CHERP: variants seen among roughly 807,000 people sequenced by gnomAD.
The protein encoded by CHERP is ERPROT 213-21.
A neutral mutation model predicts 113.8 loss-of-function variants in CHERP; 8 were observed. The ratio of observed to expected loss-of-function variants is 0.07; its 90% CI spans 0.04 to 0.13. CHERP has a LOEUF of 0.13. Among genes scored for constraint, CHERP ranks in the 10% least tolerant of loss-of-function variants. The pLI, the probability that CHERP is intolerant of heterozygous loss-of-function variation, is 1.00. For synonymous variants in CHERP, 559 were observed against 524.5 expected, an observed-to-expected ratio of 1.07 and a Z score of -0.90; for missense variants, 884 against 1,298.2, an observed-to-expected ratio of 0.68 and a Z score of 4.90.
chr19:16,524,555 C>CAA (rs112007487), intron 10 of CHERP, among the ~76,000 whole-genome samples: 13,329 of 133,584 alleles, frequency 0.1, 2,089 homozygotes, highest in African/African-American at 0.33. Flanking sequence ...GACTCTGTCT[C>CAA]AAAAAAAAAA....
intron 1 of CHERP, 44 bp from the exon 2 acceptor site, chr19:16,542,087 G>A (rs749273413): frequency 1.9e-6 from 3 of 1,566,664 alleles, no homozygotes; most frequent in Non-Finnish European, 2.6e-6. Context: ...AGCGAGGACC[G>A]CCCAAAGCCG....
In CHERP at chr19:16,535,613, C is replaced by T. The variant is rs1244743709; in HGVS notation, c.223G>A (p.Glu75Lys). ...QQLICKQQTP[E>K]LEPAATMPPL... ...GGCATGGTGGCGGCTGGCTCCAGCT[C>T]CGGGGTCTGCTGCTTGCAGATGACT... The change falls in exon 3 of 17, where the codon GAG becomes AAG. Residue 75 changes from glutamate to lysine, a missense_variant. This residue lies in a region of CHERP where 109 missense variants were observed against 134.2 expected (regional missense o/e 0.81). Coordinates refer to ENST00000546361, the MANE Select transcript of CHERP (RefSeq NM_006387.6). This position sits in a 1 kb window ranked among gnomAD's most constrained non-coding sequence, Gnocchi z 4.3. 2.6e-6 allele frequency: 4 copies of T among 1,533,206 alleles called. No homozygotes were observed. The highest frequency in any genetic ancestry group is 1.2e-5 in the South Asian group (1 of 81,780). The allele number at this position is 1,533,206 out of a possible 1,614,324, so 95.0% of individuals were successfully genotyped here. A position where few individuals can be genotyped will look rare whatever the true frequency, so the allele number is the denominator to read the frequency against.
chr19:16,528,025 AC>A, intron 9 of CHERP, 54 bp downstream of exon 9: 1 of 1,559,644 alleles, frequency 6.4e-7, no homozygotes, highest in Non-Finnish European at 8.8e-7. Flanking sequence ...AGGGGAGGCT[AC>A]CCCATCAGGC....
chr19:16,534,548 C>T (rs2085728622), intron 3 of CHERP, among the ~76,000 whole-genome samples: 1 of 152,132 alleles, frequency 6.6e-6, no homozygotes, highest in South Asian at 2.1e-4. Context: ...GCAATCTCAG[C>T]TCATGCAACC....
At chr19:16,539,527 T>G (rs1163800235) in intron 2 of CHERP, among the ~76,000 whole-genome samples, 9 of 152,044 alleles carry the variant, frequency 5.9e-5, no homozygotes, top group Non-Finnish European at 8.8e-5. Flanking sequence ...ATATTTTGCT[T>G]ACGATTTCAG....
At position 16,529,653 on chromosome 19, in the gene CHERP, T is replaced by C; in HGVS notation, c.1124A>G (p.Gln375Arg). ...GAGCTGAGGGAGCCCCGTACCAGGC[T>C]GGGTGGTGGGCGGGATGGCAGGGGC... The part of the protein sequence containing the change: ...APAPAIPPTT[Q>R]PDDSKPPIQM... The change falls in exon 8 of 17, where the codon CAG becomes CGG. Residue 375 changes from glutamine (Q) to arginine (R), a missense_variant. By Grantham distance (43) the Gln-to-Arg change is conservative. Around this residue, in one of 8 missense-constraint regions of CHERP, gnomAD observed 464 missense variants for 590.1 expected, o/e 0.79. Coordinates refer to ENST00000546361, the MANE Select transcript of CHERP (RefSeq NM_006387.6). 1.3e-6 allele frequency: 2 copies of C among 1,542,940 alleles called. No homozygotes were observed.
chr19:16,529,670 G>T lies in CHERP; in HGVS notation c.1107C>A (p.Ala369=). Residue 369 remains alanine, a synonymous_variant, in exon 8 of 17, where the codon GCC becomes GCA. Coordinates refer to ENST00000546361, the MANE Select transcript of CHERP (RefSeq NM_006387.6). ...APPPAPAPAP[A]IPPTTQPDDS... The stretch of plus-strand genomic sequence containing the variant: ...TACCAGGCTGGGTGGTGGGCGGGAT[G>T]GCAGGGGCAGGTGCTGGGGCCGGGG... The T allele has an allele frequency of 6.4e-7, 1 of 1,552,580 alleles. No homozygotes were observed. Among genetic ancestry groups the T allele is most frequent in the Admixed American group, 1.9e-5 (1 of 51,752 alleles).
At position 16,532,934 on chromosome 19, in the gene CHERP, C is replaced by T. The variant is rs2085716606; in HGVS notation, c.522+77G>A. 6.5e-7 allele frequency: 1 copy of T among 1,538,540 alleles called. No individual in the cohort carries two copies. The highest frequency in any genetic ancestry group is 2.0e-5 in the Admixed American group (1 of 50,332). On this transcript the variant is annotated intron_variant, in intron 4 of 16. Transcript: ENST00000546361. The surrounding 1 kb of genome is among the most constrained non-coding windows in gnomAD (Gnocchi z 4.4). Reference sequence around the variant, plus strand: ...GGCACCCATTGTAACAGCCCTTAGCCCAGATTGGCTACGACAGGCCCTGCC... The same window carrying T: ...GGCACCCATTGTAACAGCCCTTAGCTCAGATTGGCTACGACAGGCCCTGCC...
At chr19:16,524,526 A>G (rs2085643028) in intron 10 of CHERP, among the ~76,000 whole-genome samples, 1 of 151,112 alleles carries the variant, frequency 6.6e-6, no homozygotes, top group South Asian at 2.1e-4. Flanking sequence ...ATTGCACTCC[A>G]GCCTGGGCAA....
intron 2 of CHERP, among the ~76,000 whole-genome samples, chr19:16,537,490 C>G (rs1483973677): frequency 6.6e-6 from 1 of 151,936 alleles, no homozygotes; most frequent in Non-Finnish European, 1.5e-5. Context: ...ACCAACTGCA[C>G]GGCCCACTGT....
chr19:16,519,462 G>C lies in CHERP; in HGVS notation c.2558-110C>G. 3 of 1,313,990 alleles carry C rather than the reference G, an allele frequency of 2.3e-6. No individual in the cohort carries two copies. Among genetic ancestry groups the C allele is most frequent in the South Asian group, 1.3e-5 (1 of 76,024 alleles). 81.4% of individuals were successfully genotyped at this position (1,313,990 alleles called of 1,614,324 possible). A position where few individuals can be genotyped will look rare whatever the true frequency, so the allele number is the denominator to read the frequency against. On this transcript the variant is annotated intron_variant, in intron 16 of 16. Coordinates refer to ENST00000546361, the MANE Select transcript of CHERP (RefSeq NM_006387.6). This position sits in a 1 kb window ranked among gnomAD's most constrained non-coding sequence, Gnocchi z 6.0. ...TGTAGACATGGGAAATGGGTAGAGA[G>C]AACCCGCAGGCCGGCCCTGTCTAGA...
chr19:16,528,572 A>C (rs2085672690), intron 8 of CHERP, among the ~76,000 whole-genome samples: 1 of 152,240 alleles, frequency 6.6e-6, no homozygotes, highest in African/African-American at 2.4e-5. Context: ...TCTAATTAAA[A>C]GGTCATTTCC....
At chr19:16,522,863 G>A (rs574482408) in intron 11 of CHERP, among the ~76,000 whole-genome samples, 189 bp downstream of exon 11, 1 of 152,238 alleles carries the variant, frequency 6.6e-6, no homozygotes, top group East Asian at 1.9e-4. Flanking sequence ...GGGCAGACAT[G>A]GTGTCGCTCA....
At chr19:16,540,357 G>T (rs1424054895) in intron 2 of CHERP, among the ~76,000 whole-genome samples, 1 of 145,436 alleles carries the variant, frequency 6.9e-6, no homozygotes, top group South Asian at 2.2e-4. Context: ...ACAAGCCACT[G>T]GGCCTGGCCT....
intron 2 of CHERP, among the ~76,000 whole-genome samples, chr19:16,536,300 C>T (rs2085741489): frequency 6.6e-6 from 1 of 152,174 alleles, no homozygotes; most frequent in Admixed American, 6.5e-5. Flanking sequence ...AGGGTGGGCG[C>T]AGGTCCCAAC....
At chr19:16,521,427 C>A in intron 12 of CHERP, 94 bp downstream of exon 12, 2 of 1,264,088 alleles carry the variant, frequency 1.6e-6, no homozygotes, top group Non-Finnish European at 2.1e-6. Flanking sequence ...TGAGGGACAG[C>A]CACATTTTCT....
chr19:16,521,573 C>T lies in CHERP; in HGVS notation c.2062G>A (p.Ala688Thr). The change falls in exon 12 of 17, where the codon GCT (alanine) becomes ACT (threonine). Residue 688 changes from alanine to threonine, a missense_variant. By Grantham distance (58) the Ala-to-Thr change is moderately conservative (BLOSUM62 0). Coordinates refer to ENST00000546361, the MANE Select transcript of CHERP (RefSeq NM_006387.6). ...PPMPPSERLL[A>T]AVEAFYSPPS... ...GGGCTGTAGAAGGCCTCCACTGCAG[C>T]CAGCAGCCTCTCGCTGGGCGGCATG... The T allele has an allele frequency of 6.2e-7, 1 of 1,607,866 alleles. No homozygotes were observed. Among genetic ancestry groups the T allele is most frequent in the Non-Finnish European group, 8.5e-7 (1 of 1,177,838 alleles).
chr19:16,531,074 C>CAG (rs1244307483), intron 5 of CHERP, among the ~76,000 whole-genome samples, 194 bp from the exon 6 acceptor site: 1 of 152,184 alleles, frequency 6.6e-6, no homozygotes, highest in African/African-American at 2.4e-5. Flanking sequence ...GATGGAAAAA[C>CAG]AGCAAGCAGG....
In CHERP at chr19:16,525,507, G is replaced by A. The variant is rs907859913; in HGVS notation, c.1476C>T (p.Phe492=). 2.6e-6 allele frequency: 4 copies of A among 1,552,510 alleles called. No homozygotes were observed. Among genetic ancestry groups the A allele is most frequent in the Non-Finnish European group, 3.5e-6 (4 of 1,150,674 alleles). Residue 492 remains phenylalanine, a synonymous_variant, in exon 10 of 17, where the codon TTC becomes TTT. Coordinates refer to ENST00000546361, the MANE Select transcript of CHERP (RefSeq NM_006387.6). The surrounding 1 kb of genome is among the most constrained non-coding windows in gnomAD (Gnocchi z 6.5). ...NQPDAAWNSQ[F]EGPWNSQHEQ... The stretch of plus-strand genomic sequence containing the variant: ...CGTGCTGGCTGTTCCAGGGGCCCTC[G>A]AACTGGCTGTTCCAGGCGGCGTCGG...
Sources: gnomAD v4.1 joint callset for allele counts (sites outside exome capture counted in the v4.1 genomes callset) on GRCh38, gnomAD v4.1.1 for gene constraint, gnomAD v4.1.1 regional missense constraint, Gnocchi (gnomAD v3.1) non-coding constraint, MANE v1.5 for transcripts, NCBI Gene and HGNC (gene_info 2026-07-23, HGNC 2026-07-21) for gene names.